The following GNAI1 variants were observed in gnomAD, a reference collection of about 807,000 sequenced individuals.
GNAI1 encodes the protein guanine nucleotide-binding protein G(i) subunit alpha-1.
Under a neutral mutation model 38.9 loss-of-function variants are expected in GNAI1, and 11 were observed. The observed-to-expected ratio is 0.28, with a 90% CI of 0.18 to 0.47. The LOEUF is 0.47. Among genes scored for constraint, GNAI1 ranks in the 20% least tolerant of loss-of-function variants. The pLI is 0.99. For missense variants in GNAI1, 317 were observed against 436.9 expected (o/e 0.73, Z 2.45); for synonymous variants, 166 against 145.1 (o/e 1.14, Z -1.04).
chr7:80,199,573 A>G (rs1362469864), intron 4 of GNAI1, among the ~76,000 whole-genome samples, 191 bp downstream of exon 4: 1 of 152,120 alleles, frequency 6.6e-6, no homozygotes, highest in Non-Finnish European at 1.5e-5. Context: ...TATTTCCTAT[A>G]TGTTCAATAG....
At position 80,217,502 on chromosome 7, in the gene GNAI1, G is replaced by A; in HGVS notation, c.*9G>A. 2 of 1,549,288 alleles carry A rather than the reference G, an allele frequency of 1.3e-6. No individual in the cohort carries two copies. Among genetic ancestry groups the A allele is most frequent in the Non-Finnish European group, 1.8e-6 (2 of 1,138,700 alleles). ...ATTGTGGTCTCTTTTAAGTTTTGCA[G>A]TTCATGGTAAAATGCATTTTCAAAC... On this transcript the variant is annotated 3_prime_UTR_variant, in exon 8 of 8. Transcript: ENST00000649796.
rs144939528 is a variant in GNAI1 at position 80,201,505 on chromosome 7, G to A, written c.461+2123G>A. Among the ~76,000 whole-genome samples, 1,188 of 152,186 alleles carry A rather than the reference G, an allele frequency of 7.8e-3. 15 individuals are homozygous for A. Among genetic ancestry groups the A allele is most frequent in the African/African-American group, 0.027 (1,129 of 41,516 alleles). ...AGGCTGAGGTGAGAGGATCGCTTGA[G>A]CCCAGGAATTCCAGACCATCCTGGC... On this transcript the variant is annotated intron_variant, in intron 4 of 7. Coordinates refer to ENST00000649796, the MANE Select transcript of GNAI1 (RefSeq NM_002069.6).
intron 1 of GNAI1, among the ~76,000 whole-genome samples, chr7:80,167,265 C>T (rs962481931): frequency 3.9e-5 from 6 of 152,180 alleles, no homozygotes; most frequent in African/African-American, 1.4e-4. Context: ...CCTTGCAATG[C>T]TCAGCATTAT....
intron 1 of GNAI1, among the ~76,000 whole-genome samples, chr7:80,166,398 A>G (rs540777446): frequency 3.3e-5 from 5 of 152,070 alleles, no homozygotes; most frequent in Non-Finnish European, 5.9e-5. Context: ...AAAAAAACAG[A>G]GGGGGTTACT....
At chr7:80,165,833 A>G (rs2116142137) in intron 1 of GNAI1, among the ~76,000 whole-genome samples, 1 of 152,300 alleles carries the variant, frequency 6.6e-6, no homozygotes, top group East Asian at 1.9e-4. Context: ...AATCAAGGTT[A>G]ATATGTAAAA....
intron 1 of GNAI1, among the ~76,000 whole-genome samples, chr7:80,163,882 CT>C (rs2116136488): frequency 6.6e-6 from 1 of 151,734 alleles, no homozygotes; most frequent in African/African-American, 2.4e-5. Flanking sequence ...TGGTCCATGC[CT>C]TTTTTCTTGT....
chr7:80,172,867 G>GT (rs1788120477), intron 1 of GNAI1, among the ~76,000 whole-genome samples: 1 of 152,116 alleles, frequency 6.6e-6, no homozygotes, highest in South Asian at 2.1e-4. Flanking sequence ...AATATTAGAA[G>GT]TTTTTTAAAA....
intron 3 of GNAI1, among the ~76,000 whole-genome samples, chr7:80,190,162 A>G (rs946598627): frequency 6.6e-6 from 1 of 152,066 alleles, no homozygotes; most frequent in African/African-American, 2.4e-5. Context: ...TTTTTTAAAC[A>G]TGTAGGCTCA....
rs1452781663 is a variant in GNAI1 at position 80,225,674 on chromosome 7, A to G, written c.*8181A>G. Reference sequence around the variant, plus strand: ...AGTATCAAATATTCCAAGGCCTTACATGCATGTTTTGTTTTTTGATAAAGA... The same window carrying G: ...AGTATCAAATATTCCAAGGCCTTACGTGCATGTTTTGTTTTTTGATAAAGA... On this transcript the variant is annotated 3_prime_UTR_variant, in exon 8 of 8. Transcript: ENST00000649796. Among the ~76,000 whole-genome samples, 1 of 152,184 alleles carries G rather than the reference A, an allele frequency of 6.6e-6. No individual in the cohort carries two copies. The highest frequency in any genetic ancestry group is 1.5e-5 in the Non-Finnish European group (1 of 68,034).
At chr7:80,136,044 C>T in intron 1 of GNAI1, 1 of 985,440 alleles carries the variant, frequency 1.0e-6, no homozygotes, top group Non-Finnish European at 1.2e-6. Flanking sequence ...TCTCCGCTGC[C>T]ACCGTTTCTG....
chr7:80,189,103 G>C lies in GNAI1; in HGVS notation c.175G>C (p.Ala59Pro). Residue 59 changes from alanine (A) to proline (P), a missense_variant, in exon 3 of 8, where the codon GCT (alanine) becomes CCT (proline). Coordinates refer to ENST00000649796, the MANE Select transcript of GNAI1 (RefSeq NM_002069.6). Reference protein sequence around the residue: ...IVKQMKIIHEAGYSEEECKQY... With the variant: ...IVKQMKIIHEPGYSEEECKQY... ...TTGTCTCATTAGAATTATCCATGAA[G>C]CTGGTTATTCAGAAGAGGAGTGTAA... 6.2e-7 allele frequency: 1 copy of C among 1,604,860 alleles called. No individual in the cohort carries two copies. The highest frequency in any genetic ancestry group is 8.5e-7 in the Non-Finnish European group (1 of 1,175,468).
chr7:80,180,723 G>A (rs1351716952), intron 1 of GNAI1, among the ~76,000 whole-genome samples: 1 of 152,094 alleles, frequency 6.6e-6, no homozygotes, highest in African/African-American at 2.4e-5. Flanking sequence ...CTGCAGTTAC[G>A]ACTAGAGTGA....
rs923623507 is a variant in GNAI1 at position 80,135,848 on chromosome 7, G to A, written c.118+570G>A. 4 of 985,142 alleles carry A rather than the reference G, an allele frequency of 4.1e-6. No homozygotes were observed. The South Asian group carries it at 1.4e-4, about 35-fold the overall frequency. 61.0% of individuals were successfully genotyped at this position (985,142 alleles called of 1,614,324 possible). A position where few individuals can be genotyped will look rare whatever the true frequency, so the allele number is the denominator to read the frequency against. The stretch of plus-strand genomic sequence containing the variant: ...GCGACTCCTTAAGTGGTCAAGGAGC[G>A]CTGATTACATTCCCCCTGCGCTGAG... On this transcript the variant is annotated intron_variant, in intron 1 of 7. Coordinates refer to ENST00000649796, the MANE Select transcript of GNAI1 (RefSeq NM_002069.6).
Position 80,219,021 on chromosome 7 carries a change from GTA to G in GNAI1, c.*1532_*1533del. 8.9e-6 allele frequency: 1 copy of G among 112,092 alleles called. No homozygotes were observed. 6.9% of individuals were successfully genotyped at this position (112,092 alleles called of 1,614,324 possible). Reference sequence around the variant, plus strand: ...AGTTACGTGTTGTCACTGGGTTGAAGTATATTTGTGTGTGTGTGTGTGTGTGT... The same window carrying G: ...AGTTACGTGTTGTCACTGGGTTGAAGTATTTGTGTGTGTGTGTGTGTGTGT... On this transcript the variant is annotated 3_prime_UTR_variant, in exon 8 of 8. Transcript: ENST00000649796.
intron 6 of GNAI1, 108 bp downstream of exon 6, chr7:80,211,206 T>C: frequency 1.2e-6 from 1 of 855,520 alleles, no homozygotes; most frequent in Non-Finnish European, 1.8e-6. Flanking sequence ...GGGTCTTTCC[T>C]CTAACTTTTC....
chr7:80,137,277 T>C (rs1008623479), intron 1 of GNAI1, among the ~76,000 whole-genome samples: 1 of 142,950 alleles, frequency 7.0e-6, no homozygotes, highest in Admixed American at 7.2e-5. Context: ...GGAATTCTTA[T>C]TTCTTTTTCT....
chr7:80,134,939 C>T lies in GNAI1; in HGVS notation c.-222C>T. On this transcript the variant is annotated 5_prime_UTR_variant, in exon 1 of 8. Coordinates refer to ENST00000649796, the MANE Select transcript of GNAI1 (RefSeq NM_002069.6). ...AACCCGGGACTTGGGGGCGCTGAGC[C>T]GGGCCGGGAAGCAGAGCCTGGTCGT... is the stretch of plus-strand genomic sequence containing the variant. The T allele has an allele frequency of 2.6e-6, 1 of 385,914 alleles. No homozygotes were observed. The highest frequency in any genetic ancestry group is 4.6e-6 in the Non-Finnish European group (1 of 218,518). 23.9% of individuals were successfully genotyped at this position (385,914 alleles called of 1,614,324 possible). A position where few individuals can be genotyped will look rare whatever the true frequency, so the allele number is the denominator to read the frequency against.
chr7:80,199,007 C>T (rs923518017), intron 3 of GNAI1, among the ~76,000 whole-genome samples: 5 of 152,152 alleles, frequency 3.3e-5, no homozygotes, highest in Non-Finnish European at 7.4e-5. Context: ...ACAGATACTA[C>T]TAACACCACA....
chr7:80,214,114 A>C (rs1310764081), intron 7 of GNAI1, among the ~76,000 whole-genome samples: 1 of 152,160 alleles, frequency 6.6e-6, no homozygotes, highest in Non-Finnish European at 1.5e-5. Context: ...ATTCAGTGGA[A>C]CCAAAAGGGG....
Sources: allele counts gnomAD v4.1 joint callset (sites outside exome capture counted in the v4.1 genomes callset), GRCh38; gene constraint gnomAD v4.1.1; transcripts MANE v1.5; gene names NCBI Gene and HGNC (gene_info 2026-07-23, HGNC 2026-07-21).